Variants in DPY19L3 observed in about 807,000 individuals in gnomAD.
The protein encoded by DPY19L3 is dpy-19 like C-mannosyltransferase 3.
Under a neutral mutation model 92.3 loss-of-function variants are expected in DPY19L3, and 51 were observed. That is an observed-to-expected ratio of 0.55 (90% CI 0.44 to 0.70). DPY19L3 has a LOEUF of 0.70. Among genes scored for constraint, DPY19L3 ranks in the 30% least tolerant of loss-of-function variants. DPY19L3 has a pLI of 0.00. For synonymous variants in DPY19L3, 309 were observed against 315.2 expected (o/e 0.98, Z 0.21); for missense variants, 706 against 855.9 (o/e 0.82, Z 2.18).
intron 1 of DPY19L3, 21 bp downstream of exon 1, chr19:32,405,930 A>C (rs1967922262): frequency 6.6e-6 from 1 of 151,176 alleles, no homozygotes; most frequent in Admixed American, 6.6e-5. Flanking sequence ...GCGCGCCGGG[A>C]CGCGCGGGCG....
chr19:32,440,547 C>T (rs970986481), intron 8 of DPY19L3, among the ~76,000 whole-genome samples: 1 of 152,188 alleles, frequency 6.6e-6, no homozygotes, highest in East Asian at 1.9e-4. Context: ...AAGGCAGCAG[C>T]ATAGCCCAAG....
chr19:32,408,166 G>C lies in DPY19L3; in HGVS notation c.-37-51G>C. The C allele has an allele frequency of 5.7e-6, 5 of 876,038 alleles. 1 individual carries two copies. In the South Asian group the frequency reaches 5.9e-5, roughly 10 times the overall value. The allele number at this position is 876,038 out of a possible 1,614,324, so 54.3% of individuals were successfully genotyped here. Reference sequence around the variant, plus strand: ...GCATTTCAGCATGGATGAGCACGGGGTGTGTTGGGGAGAAGGCACTGACGT... The same window carrying C: ...GCATTTCAGCATGGATGAGCACGGGCTGTGTTGGGGAGAAGGCACTGACGT... On this transcript the variant is annotated intron_variant, in intron 1 of 18. Transcript: ENST00000392250.
chr19:32,437,244 G>A lies in DPY19L3; in HGVS notation c.501G>A (p.Gln167=). 1 of 1,614,070 alleles carries A rather than the reference G, an allele frequency of 6.2e-7. No homozygotes were observed. The highest frequency in any genetic ancestry group is 1.6e-4 in the Middle Eastern group (1 of 6,062). The stretch of plus-strand genomic sequence containing the variant: ...ATATTTACACCTTATTTGGGCTCCA[G>A]GCGATCTATGTCACAGCTCTCTACA... ...YFYIYTLFGL[Q]AIYVTALYIT... The change falls in exon 6 of 19, where the codon CAG becomes CAA. Residue 167 remains glutamine (Q), a synonymous_variant. Transcript: ENST00000392250.
intron 4 of DPY19L3, among the ~76,000 whole-genome samples, chr19:32,433,398 G>A (rs1969032431): frequency 6.6e-6 from 1 of 152,064 alleles, no homozygotes; most frequent in Non-Finnish European, 1.5e-5. Context: ...CATTTTTGGT[G>A]GCAGTTATTC....
At position 32,417,374 on chromosome 19, in the gene DPY19L3, C is replaced by T. The variant is rs145236497; in HGVS notation, c.237+6002C>T. ...TCGCTCTGTCGTCCAGACTGGAGTG[C>T]AGTGGCACGATCTCAGCTCACTGCA... is the stretch of plus-strand genomic sequence containing the variant. On this transcript the variant is annotated intron_variant, in intron 3 of 18. Transcript: ENST00000392250. Among the ~76,000 whole-genome samples, 992 of 152,324 alleles carry T rather than the reference C, an allele frequency of 6.5e-3. 7 individuals are homozygous for T. The highest frequency in any genetic ancestry group is 0.012 in the Non-Finnish European group (794 of 68,026).
At chr19:32,478,614 T>C (rs1970582634) in intron 17 of DPY19L3, among the ~76,000 whole-genome samples, 1 of 152,194 alleles carries the variant, frequency 6.6e-6, no homozygotes, top group Admixed American at 6.5e-5. Context: ...TATACAAATA[T>C]GCGGGGAGGG....
intron 9 of DPY19L3, among the ~76,000 whole-genome samples, chr19:32,454,128 T>G (rs1342510449): frequency 6.6e-6 from 1 of 152,210 alleles, no homozygotes; most frequent in Non-Finnish European, 1.5e-5. Flanking sequence ...TTTGAACTGT[T>G]AAGATATTAT....
intron 14 of DPY19L3, among the ~76,000 whole-genome samples, chr19:32,464,207 A>C (rs1427328204): frequency 6.6e-6 from 1 of 152,098 alleles, no homozygotes; most frequent in Non-Finnish European, 1.5e-5. Flanking sequence ...ATTATACAGA[A>C]TTTGGAAATA....
chr19:32,445,358 G>A lies in DPY19L3; in HGVS notation c.855+5448G>A, dbSNP rs1450136027. 1.1e-4 allele frequency among the ~76,000 whole-genome samples: 17 copies of A among 147,948 alleles called. No individual in the cohort carries two copies. In the East Asian group the frequency reaches 3.3e-3, roughly 29 times the overall value. On this transcript the variant is annotated intron_variant, in intron 8 of 18. Coordinates refer to ENST00000392250, the MANE Select transcript of DPY19L3 (RefSeq NM_001172774.2). ...TGGTAGGCTGAGGCAGGAAAATGGC[G>A]TGAACCTGGGAGGCGGAGCTTGCAG...
At chr19:32,476,511 A>G (rs1165613056) in intron 16 of DPY19L3, among the ~76,000 whole-genome samples, 1 of 140,724 alleles carries the variant, frequency 7.1e-6, no homozygotes, top group Non-Finnish European at 1.5e-5. Flanking sequence ...ACCGCTTACA[A>G]GTGACTCTCA....
chr19:32,475,089 T>G (rs1970466305), intron 16 of DPY19L3, among the ~76,000 whole-genome samples: 1 of 152,240 alleles, frequency 6.6e-6, no homozygotes, highest in South Asian at 2.1e-4. Flanking sequence ...GAAACCTTAA[T>G]CATTAGCTGT....
At chr19:32,412,026 A>C (rs939814679) in intron 3 of DPY19L3, 1 of 152,092 alleles carries the variant, frequency 6.6e-6, no homozygotes, top group Non-Finnish European at 1.5e-5. Flanking sequence ...CCAGGCATGC[A>C]CCACCTCACC....
At chr19:32,467,623 T>C in intron 15 of DPY19L3, 6 of 987,610 alleles carry the variant, frequency 6.1e-6, no homozygotes, top group Non-Finnish European at 7.2e-6. Context: ...CAGAGATCAA[T>C]CAGGTGCTGC....
chr19:32,442,961 G>A (rs1332543640), intron 8 of DPY19L3, among the ~76,000 whole-genome samples: 1 of 152,142 alleles, frequency 6.6e-6, no homozygotes, highest in East Asian at 1.9e-4. Context: ...GGCCACTTGG[G>A]AAACTTGGAC....
At chr19:32,449,954 A>G (rs1969644358) in intron 8 of DPY19L3, among the ~76,000 whole-genome samples, 1 of 152,222 alleles carries the variant, frequency 6.6e-6, no homozygotes, top group Non-Finnish European at 1.5e-5. Context: ...AAAGTGTGCT[A>G]TTAGGAAAGT....
chr19:32,427,952 A>G (rs1382308557), intron 3 of DPY19L3: 2 of 142,930 alleles, frequency 1.4e-5, no homozygotes, highest in Non-Finnish European at 3.1e-5. Flanking sequence ...TTGGGGGACA[A>G]TTTTTGTAAA....
chr19:32,431,775 A>T (rs1272036374), intron 3 of DPY19L3, among the ~76,000 whole-genome samples: 2 of 152,230 alleles, frequency 1.3e-5, no homozygotes, highest in African/African-American at 2.4e-5. Flanking sequence ...CAACCATCCC[A>T]GTGGACAGTC....
intron 3 of DPY19L3, among the ~76,000 whole-genome samples, chr19:32,432,025 A>G (rs777661695): frequency 2.0e-5 from 3 of 152,218 alleles, no homozygotes; most frequent in Non-Finnish European, 2.9e-5. Context: ...AGGGCTGCTC[A>G]ACCTATAAAT....
chr19:32,444,048 A>G (rs1389182887), intron 8 of DPY19L3, among the ~76,000 whole-genome samples: 4 of 145,104 alleles, frequency 2.8e-5, no homozygotes, highest in East Asian at 2.0e-4. Context: ...AAAAAAAAAA[A>G]GAAAAAAAAA....
Sources: allele counts gnomAD v4.1 joint callset (sites outside exome capture counted in the v4.1 genomes callset), GRCh38; gene constraint gnomAD v4.1.1; transcripts MANE v1.5; gene names NCBI Gene and HGNC (gene_info 2026-07-23, HGNC 2026-07-21).